PDE4B: variants seen among roughly 807,000 people sequenced by gnomAD.
The protein encoded by PDE4B is 3',5'-cyclic-AMP phosphodiesterase 4B.
A neutral mutation model predicts 82.2 loss-of-function variants in PDE4B; 20 were observed. The observed-to-expected ratio is 0.24, with a 90% CI of 0.17 to 0.35. The LOEUF (loss-of-function observed/expected upper bound fraction) is 0.35, where lower values mean the gene tolerates loss of function less well. Ranked by LOEUF, PDE4B falls within the 10% of genes least tolerant of loss-of-function variation. The pLI, the probability that PDE4B is intolerant of heterozygous loss-of-function variation, is 1.00. For missense variants in PDE4B, 655 were observed against 907.2 expected (o/e 0.72, Z 3.57); for synonymous variants, 320 against 318.9 (o/e 1.00, Z -0.04).
intron 7 of PDE4B, among the ~76,000 whole-genome samples, chr1:66,285,977 C>G (rs1330616232): frequency 1.3e-5 from 2 of 152,182 alleles, no homozygotes; most frequent in Non-Finnish European, 2.9e-5. Context: ...AGAGGACTTC[C>G]TTTCCTTCAG....
intron 1 of PDE4B, among the ~76,000 whole-genome samples, chr1:65,827,079 T>G (rs995715743): frequency 6.6e-6 from 1 of 152,182 alleles, no homozygotes; most frequent in Non-Finnish European, 1.5e-5. Flanking sequence ...CGTGTAATCA[T>G]AGCAACTGCA....
At chr1:65,805,119 C>G (rs1458852455) in intron 1 of PDE4B, among the ~76,000 whole-genome samples, 1 of 151,768 alleles carries the variant, frequency 6.6e-6, no homozygotes, top group African/African-American at 2.4e-5. Context: ...CGTGCACCAC[C>G]AAGCCTGGAT....
At chr1:66,007,603 GC>G (rs1372426561) in intron 3 of PDE4B, among the ~76,000 whole-genome samples, 1 of 152,132 alleles carries the variant, frequency 6.6e-6, no homozygotes, top group Non-Finnish European at 1.5e-5. Flanking sequence ...CCTTGAGTCT[GC>G]CCCTGTTATG....
chr1:66,308,954 A>T (rs1252373576), intron 7 of PDE4B, among the ~76,000 whole-genome samples: 1 of 152,212 alleles, frequency 6.6e-6, no homozygotes, highest in East Asian at 1.9e-4. Context: ...TTGTAATTAG[A>T]AAAAAGAAGG....
chr1:65,895,287 C>A (rs1056777469), intron 1 of PDE4B, among the ~76,000 whole-genome samples: 2 of 152,076 alleles, frequency 1.3e-5, no homozygotes, highest in Non-Finnish European at 2.9e-5. Context: ...CGGTGGCTCA[C>A]ACCTGTAATA....
At chr1:65,893,050 T>C (rs1045854677) in intron 1 of PDE4B, among the ~76,000 whole-genome samples, 3 of 152,082 alleles carry the variant, frequency 2.0e-5, no homozygotes, top group African/African-American at 7.2e-5. Context: ...AAGAAATGAA[T>C]TGATGGGTGG....
At chr1:66,177,395 A>G (rs538180437) in intron 3 of PDE4B, among the ~76,000 whole-genome samples, 1 of 152,328 alleles carries the variant, frequency 6.6e-6, no homozygotes, top group South Asian at 2.1e-4. Flanking sequence ...GAGTGAATGC[A>G]TATGTGTGTG....
intron 3 of PDE4B, among the ~76,000 whole-genome samples, chr1:66,090,077 A>G (rs1644981032): frequency 6.6e-6 from 1 of 152,088 alleles, no homozygotes; most frequent in Non-Finnish European, 1.5e-5. Context: ...TTCATTTTGA[A>G]AAACAAAAGT....
chr1:66,035,962 A>G (rs1654037781), intron 3 of PDE4B, among the ~76,000 whole-genome samples: 1 of 152,158 alleles, frequency 6.6e-6, no homozygotes, highest in Non-Finnish European at 1.5e-5. Context: ...AGTAGCATCA[A>G]TAATATAAAG....
intron 1 of PDE4B, among the ~76,000 whole-genome samples, chr1:65,804,203 A>G (rs1472062984): frequency 6.6e-6 from 1 of 152,210 alleles, no homozygotes; most frequent in Non-Finnish European, 1.5e-5. Flanking sequence ...GAGTGTTTAC[A>G]TGAAATTGTC....
chr1:66,324,622 C>T (rs1659622309), intron 7 of PDE4B, among the ~76,000 whole-genome samples: 1 of 152,116 alleles, frequency 6.6e-6, no homozygotes, highest in South Asian at 2.1e-4. Context: ...ATCAAAATGA[C>T]CTACTTTTCA....
At chr1:66,096,369 T>C (rs1282271187) in intron 3 of PDE4B, among the ~76,000 whole-genome samples, 1 of 151,126 alleles carries the variant, frequency 6.6e-6, no homozygotes, top group Non-Finnish European at 1.5e-5. Context: ...ATTCTATGAG[T>C]TTCGACAAAT....
chr1:66,187,066 C>A (rs189841732), intron 3 of PDE4B, among the ~76,000 whole-genome samples: 3 of 152,246 alleles, frequency 2.0e-5, no homozygotes, highest in East Asian at 3.9e-4. Flanking sequence ...TTGTCAAAGG[C>A]CTTTTCTGCA....
At chr1:66,366,223 A>C (rs933791433) in intron 13 of PDE4B, among the ~76,000 whole-genome samples, 2 of 152,140 alleles carry the variant, frequency 1.3e-5, no homozygotes, top group Non-Finnish European at 2.9e-5. Flanking sequence ...CATAAAAAGC[A>C]CTGGAATGAG....
intron 3 of PDE4B, among the ~76,000 whole-genome samples, chr1:66,163,439 TA>T (rs1646658142): frequency 6.6e-6 from 1 of 152,120 alleles, no homozygotes; most frequent in African/African-American, 2.4e-5. Context: ...AAGTAATTAT[TA>T]GTACTATTAA....
At chr1:66,038,612 G>C (rs1298989509) in intron 3 of PDE4B, among the ~76,000 whole-genome samples, 1 of 152,116 alleles carries the variant, frequency 6.6e-6, no homozygotes, top group Admixed American at 6.5e-5. Flanking sequence ...GAAGTTGTAG[G>C]ATTTTGTGGT....
intron 1 of PDE4B, among the ~76,000 whole-genome samples, chr1:65,834,962 G>A (rs1646124047): frequency 6.6e-6 from 1 of 152,038 alleles, no homozygotes; most frequent in Non-Finnish European, 1.5e-5. Flanking sequence ...ATATTTACCA[G>A]CACACCACTC....
intron 3 of PDE4B, among the ~76,000 whole-genome samples, chr1:65,924,488 C>G (rs7552762): frequency 0.11 from 16,937 of 152,024 alleles, 1,114 homozygotes; most frequent in Middle Eastern, 0.2. Flanking sequence ...TAAAAATACA[C>G]TAGATAATGT....
At chr1:66,102,203 C>G (rs1299658992) in intron 3 of PDE4B, among the ~76,000 whole-genome samples, 1 of 151,764 alleles carries the variant, frequency 6.6e-6, no homozygotes, top group Admixed American at 6.6e-5. Flanking sequence ...TCTCTATAAT[C>G]TAAGATCTTT....
Sources: gnomAD v4.1 joint callset for allele counts (sites outside exome capture counted in the v4.1 genomes callset) on GRCh38, gnomAD v4.1.1 for gene constraint, MANE v1.5 for transcripts, NCBI Gene and HGNC (gene_info 2026-07-23, HGNC 2026-07-21) for gene names.